The following AP4M1 variants were observed in gnomAD, a reference collection of about 807,000 sequenced individuals.
AP4M1 encodes AP-4 complex subunit mu-1.
In AP4M1, 58 loss-of-function variants were observed where a neutral mutation model predicts 62.4. The ratio of observed to expected loss-of-function variants is 0.93; its 90% confidence interval spans 0.75 to 1.16. AP4M1 has a LOEUF of 1.16. Among genes scored for constraint, AP4M1 ranks in the 50% most tolerant of loss-of-function variants. The probability of loss-of-function intolerance (pLI) is 0.00; values close to 1 mark genes in which losing one functional copy is unlikely to be tolerated. For synonymous variants in AP4M1, 290 were observed against 239.7 expected, an observed-to-expected ratio of 1.21 and a Z score of -1.94; for missense variants, 626 against 585.4, an observed-to-expected ratio of 1.07 and a Z score of -0.72.
chr7:100,103,347 C>T (rs1796213420), intron 4 of AP4M1, 62 bp from the exon 5 acceptor site: 1 of 1,417,664 alleles, frequency 7.1e-7, no homozygotes, highest in South Asian at 1.2e-5. Context: ...TGCCTGGCCC[C>T]ACTCCCCCTC....
rs567754611 is a variant in AP4M1, at chr7:100,102,326, G to A, written c.148-349G>A. On this transcript the variant is annotated intron_variant, in intron 2 of 14. Coordinates refer to ENST00000359593, the MANE Select transcript of AP4M1 (RefSeq NM_004722.4). ...GAATCGCTTGAATCCAAGAGGCAGA[G>A]GTTGCAGTGAGCCGAGATCCGGACA... 26 of 518,596 alleles carry A rather than the reference G, an allele frequency of 5.0e-5. No individual in the cohort carries two copies. The East Asian group carries it at 9.7e-4, about 19-fold the overall frequency. 32.1% of individuals were successfully genotyped at this position (518,596 alleles called of 1,614,324 possible). A position where few individuals can be genotyped will look rare whatever the true frequency, so the allele number is the denominator to read the frequency against.
In AP4M1 at chr7:100,105,352, G is replaced by T. The variant is rs368267562; in HGVS notation, c.834+6G>T. On this transcript the variant is annotated splice_donor_region_variant and intron_variant, in intron 10 of 14. Transcript: ENST00000359593. ...TGCAACCACCTCAGGGCGAGGTCAGGGTTGGGGTGGCCTCATAAATTCCGT... is the reference window on the plus strand; with the variant it reads ...TGCAACCACCTCAGGGCGAGGTCAGTGTTGGGGTGGCCTCATAAATTCCGT... The T allele has an allele frequency of 1.2e-6, 2 of 1,614,122 alleles. No homozygotes were observed. The highest frequency in any genetic ancestry group is 1.1e-5 in the South Asian group (1 of 91,086).
At chr7:100,105,869 C>A in intron 11 of AP4M1, 90 bp from the exon 12 acceptor site, 1 of 1,466,314 alleles carries the variant, frequency 6.8e-7, no homozygotes, top group South Asian at 1.1e-5. Context: ...AGCCCACACC[C>A]ACACAGCCCC....
At chr7:100,105,731 G>A (rs1320572669) in intron 11 of AP4M1, among the ~76,000 whole-genome samples, 192 bp downstream of exon 11, 1 of 151,680 alleles carries the variant, frequency 6.6e-6, no homozygotes, top group Non-Finnish European at 1.5e-5. Context: ...AGGATCACTT[G>A]AGCCCAGGAG....
chr7:100,108,655 C>G lies in AP4M1; in HGVS notation c.*1773C>G. The G allele has an allele frequency of 5.0e-6, 6 of 1,203,234 alleles. No homozygotes were observed. Among genetic ancestry groups the G allele is most frequent in the Non-Finnish European group, 5.8e-6 (5 of 867,776 alleles). The allele number at this position is 1,203,234 out of a possible 1,614,324, so 74.5% of individuals were successfully genotyped here. A position where few individuals can be genotyped will look rare whatever the true frequency, so the allele number is the denominator to read the frequency against. On this transcript the variant is annotated 3_prime_UTR_variant, in exon 15 of 15. Coordinates refer to ENST00000359593, the MANE Select transcript of AP4M1 (RefSeq NM_004722.4). The stretch of plus-strand genomic sequence containing the variant: ...TGGGGATGGGGTAAAAAAGGACATT[C>G]CTTATCATCTCAGTGCCCCTGTTGA...
chr7:100,105,431 C>G lies in AP4M1; in HGVS notation c.835-14C>G, dbSNP rs1315134390. On this transcript the variant is annotated splice_polypyrimidine_tract_variant and intron_variant, in intron 10 of 14. Transcript: ENST00000359593. ...GTGAGACCAAACTAACCTTGTTGCT[C>G]TCTGGTCTCTCAGCTGACTGTGATG... The G allele has an allele frequency of 6.2e-7, 1 of 1,613,644 alleles. No homozygotes were observed. Among genetic ancestry groups the G allele is most frequent in the Non-Finnish European group, 8.5e-7 (1 of 1,179,610 alleles).
In AP4M1 at chr7:100,106,402, G is replaced by C; in HGVS notation, c.1026-1G>C. 1 of 1,613,596 alleles carries C rather than the reference G, an allele frequency of 6.2e-7. No homozygotes were observed. The highest frequency in any genetic ancestry group is 1.1e-5 in the South Asian group (1 of 91,082). Reference sequence around the variant, plus strand: ...CAGCACCTTCCCTTTCCAAACTCCAGCCTGTCTCAGGAGCTGAGCAGCCCA... The same window carrying C: ...CAGCACCTTCCCTTTCCAAACTCCACCCTGTCTCAGGAGCTGAGCAGCCCA... On this transcript the variant is annotated splice_acceptor_variant, in intron 13 of 14. Coordinates refer to ENST00000359593, the MANE Select transcript of AP4M1 (RefSeq NM_004722.4). LOFTEE classifies it high-confidence loss of function.
intron 11 of AP4M1, 27 bp downstream of exon 11, chr7:100,105,566 C>A: frequency 6.3e-7 from 1 of 1,592,918 alleles, no homozygotes; most frequent in Non-Finnish European, 8.6e-7. Flanking sequence ...GGTTCTAGAA[C>A]TACCTTGGAA....
intron 2 of AP4M1, chr7:100,102,238 A>C (rs758868931): frequency 8.3e-6 from 5 of 605,086 alleles, no homozygotes; most frequent in East Asian, 3.1e-5. Context: ...AAAAAAAAAA[A>C]AACATAGCTG....
Position 100,106,939 on chromosome 7 carries a change from G to A in AP4M1, c.*57G>A. 2 of 1,556,386 alleles carry A rather than the reference G, an allele frequency of 1.3e-6. No homozygotes were observed. The highest frequency in any genetic ancestry group is 1.1e-5 in the South Asian group (1 of 87,518). ...TGGCAGTTTGTCCCACGGGAGGACA[G>A]TCGTTTCTTTTCCAGCCTCCTGGCC... On this transcript the variant is annotated 3_prime_UTR_variant, in exon 15 of 15. Transcript: ENST00000359593.
chr7:100,106,176 T>C, intron 12 of AP4M1, 65 bp from the exon 13 acceptor site: 1 of 1,588,666 alleles, frequency 6.3e-7, no homozygotes, highest in Non-Finnish European at 8.6e-7. Flanking sequence ...GTTATGACAT[T>C]GAAGAGGAAC....
At chr7:100,104,745 G>A (rs1796321944) in intron 7 of AP4M1, 129 bp from the exon 8 acceptor site, 6 of 975,382 alleles carry the variant, frequency 6.2e-6, no homozygotes, top group Middle Eastern at 2.9e-4. Flanking sequence ...GCAGGAGAAT[G>A]TCTTGAACCT....
At chr7:100,105,163 C>A in intron 9 of AP4M1, 65 bp downstream of exon 9, 2 of 1,611,176 alleles carry the variant, frequency 1.2e-6, no homozygotes, top group Non-Finnish European at 1.7e-6. Context: ...GGAGAGAAGT[C>A]AGACAGAGCC....
At position 100,108,057 on chromosome 7, in the gene AP4M1, C is replaced by T. The variant is rs2116705024; in HGVS notation, c.*1175C>T. The T allele has an allele frequency of 6.2e-7, 1 of 1,613,130 alleles. No homozygotes were observed. Among genetic ancestry groups the T allele is most frequent in the South Asian group, 1.1e-5 (1 of 90,920 alleles). On this transcript the variant is annotated 3_prime_UTR_variant, in exon 15 of 15. Coordinates refer to ENST00000359593, the MANE Select transcript of AP4M1 (RefSeq NM_004722.4). Reference sequence around the variant, plus strand: ...ACAGGAAGTGCGATGGAGCCAGGAACCTTCAGCAAGCCAGGGGTGCGAGGG... The same window carrying T: ...ACAGGAAGTGCGATGGAGCCAGGAATCTTCAGCAAGCCAGGGGTGCGAGGG...
At chr7:100,101,244 C>T (rs1487153563), upstream of AP4M1, 2 of 1,612,932 alleles carry the variant, frequency 1.2e-6, no homozygotes, top group Non-Finnish European at 1.7e-6. Context: ...GGACGCCCTC[C>T]CGGGCTCGTA....
upstream of AP4M1, chr7:100,101,448 T>C (rs1188048693): frequency 9.5e-7 from 1 of 1,051,884 alleles, no homozygotes; most frequent in African/African-American, 1.6e-5. Flanking sequence ...TGCGGGCCAA[T>C]CGGACAAGGC....
In AP4M1 at chr7:100,105,295, G is replaced by A. The variant is rs1441011819; in HGVS notation, c.783G>A (p.Leu261=). 1 of 1,614,118 alleles carries A rather than the reference G, an allele frequency of 6.2e-7. No homozygotes were observed. Among genetic ancestry groups the A allele is most frequent in the South Asian group, 1.1e-5 (1 of 91,084 alleles). ...DEVSFHSSVN[L]DEFESHRILR... ...TCTCGTTTCACAGCTCTGTGAATCT[G>A]GACGAATTTGAGTCTCATCGAATCC... The change falls in exon 10 of 15, where the codon CTG becomes CTA. Residue 261 remains leucine (L), a synonymous_variant. Transcript: ENST00000359593.
chr7:100,101,249 C>G, upstream of AP4M1: 1 of 1,613,080 alleles, frequency 6.2e-7, no homozygotes, highest in Non-Finnish European at 8.5e-7. Flanking sequence ...CCCTCCCGGG[C>G]TCGTAGACCC....
chr7:100,102,164 T>C, intron 2 of AP4M1, 196 bp downstream of exon 2: 2 of 660,984 alleles, frequency 3.0e-6, no homozygotes, highest in Non-Finnish European at 5.4e-6. Context: ...GCGGATCACC[T>C]GAGGTCAGGA....
Sources: gnomAD v4.1 joint callset for allele counts (sites outside exome capture counted in the v4.1 genomes callset) on GRCh38, gnomAD v4.1.1 for gene constraint, MANE v1.5 for transcripts, NCBI Gene and HGNC (gene_info 2026-07-23, HGNC 2026-07-21) for gene names.